FKBP10: variants seen among roughly 807,000 people sequenced by gnomAD.
FKBP10 encodes peptidyl-prolyl cis-trans isomerase FKBP10.
Under a neutral mutation model 53.7 loss-of-function variants are expected in FKBP10, and 34 were observed. The observed-to-expected ratio is 0.63, with a 90% CI of 0.48 to 0.84. The LOEUF (loss-of-function observed/expected upper bound fraction) is 0.84, where lower values mean the gene tolerates loss of function less well. Ranked by LOEUF, FKBP10 falls within the 40% of genes least tolerant of loss-of-function variation. FKBP10 has a pLI of 0.00. For synonymous variants in FKBP10, 324 were observed against 335.7 expected (o/e 0.97, Z 0.38); for missense variants, 748 against 797.8 (o/e 0.94, Z 0.75).
rs782067841 is a variant in FKBP10, at chr17:41,813,111, C to A, written c.77C>A (p.Ala26Asp). The A allele has an allele frequency of 1.9e-6, 3 of 1,611,268 alleles. No individual in the cohort carries two copies. The South Asian group carries it at 3.3e-5, about 18-fold the overall frequency. Residue 26 changes from alanine to aspartate, a missense_variant, in exon 1 of 10, where the codon GCC becomes GAC. Physicochemically the swap from Ala to Asp is moderately radical, Grantham distance 126. Transcript: ENST00000321562. ...LLQLLLLVVQ[A>D]VGRGLGRASP... ...CAGTTGCTGCTACTGGTGGTGCAGG[C>A]CGTGGGGAGGGGGCTGGGCCGCGCC... is the stretch of plus-strand genomic sequence containing the variant.
At position 41,822,642 on chromosome 17, in the gene FKBP10, T is replaced by C. The variant is rs1555617446; in HGVS notation, c.*234T>C. 2 of 591,548 alleles carry C rather than the reference T, an allele frequency of 3.4e-6. No individual in the cohort carries two copies. Among genetic ancestry groups the C allele is most frequent in the Non-Finnish European group, 6.0e-6 (2 of 335,552 alleles). 36.6% of individuals were successfully genotyped at this position (591,548 alleles called of 1,614,324 possible). On this transcript the variant is annotated 3_prime_UTR_variant, in exon 10 of 10. Coordinates refer to ENST00000321562, the MANE Select transcript of FKBP10 (RefSeq NM_021939.4). ...CCCTAAACCACTTCCTTAAAATGTT[T>C]GGATTTGCAAAGCCAATTTGGGGCC...
intron 6 of FKBP10, 46 bp downstream of exon 6, chr17:41,819,721 C>T (rs2047866218): frequency 2.5e-6 from 4 of 1,569,222 alleles, no homozygotes; most frequent in Non-Finnish European, 3.5e-6. Context: ...CTCCGAACTG[C>T]CCATTGTGTC....
rs1242462441 is a variant in FKBP10 at position 41,817,080 on chromosome 17, G to A, written c.268G>A (p.Ala90Thr). The change falls in exon 2 of 10, where the codon GCC becomes ACC. Residue 90 changes from alanine (A) to threonine (T), a missense_variant. Transcript: ENST00000321562. ...DSSYDRNTLVAIVVGVGRLIT... is the reference protein window; with the variant it reads ...DSSYDRNTLVTIVVGVGRLIT... ...CAGCTATGATCGCAACACCTTGGTG[G>A]CCATCGTGGTGGGTGTGGGGCGCCT... The A allele has an allele frequency of 8.1e-6, 13 of 1,613,944 alleles. No homozygotes were observed. In the Admixed American group the frequency reaches 2.0e-4, roughly 25 times the overall value.
chr17:41,821,657 G>A lies in FKBP10; in HGVS notation c.1403G>A (p.Arg468Gln), dbSNP rs1555617122. ...TTCTCTCCTGCCCTCCCTCCAGCCC[G>A]GGGAGTCCCAGGCAGTGCTGTGCTG... Reference protein sequence around the residue: ...PHLAHGESGARGVPGSAVLLF... With the variant: ...PHLAHGESGAQGVPGSAVLLF... Residue 468 changes from arginine to glutamine, a missense_variant, in exon 9 of 10, where the codon CGG (arginine) becomes CAG (glutamine). Physicochemically the swap from Arg to Gln is conservative, Grantham distance 43. Transcript: ENST00000321562. 3.7e-6 allele frequency: 6 copies of A among 1,613,712 alleles called. No individual in the cohort carries two copies. Among genetic ancestry groups the A allele is most frequent in the Non-Finnish European group, 5.1e-6 (6 of 1,179,912 alleles).
intron 1 of FKBP10, among the ~76,000 whole-genome samples, chr17:41,814,035 A>C (rs185593631): frequency 6.6e-6 from 1 of 152,220 alleles, no homozygotes; most frequent in Admixed American, 6.5e-5. Context: ...TCCTGGTCTG[A>C]CCCAGGCCTT....
chr17:41,822,443 G>C lies in FKBP10; in HGVS notation c.*35G>C. The C allele has an allele frequency of 1.3e-6, 2 of 1,571,046 alleles. No homozygotes were observed. Among genetic ancestry groups the C allele is most frequent in the Non-Finnish European group, 1.7e-6 (2 of 1,157,966 alleles). ...AGCCTGGCCAGGCCTGAGACACAGA[G>C]GCCCACTGCGAGGGGGACAGTGGCG... On this transcript the variant is annotated 3_prime_UTR_variant, in exon 10 of 10. Coordinates refer to ENST00000321562, the MANE Select transcript of FKBP10 (RefSeq NM_021939.4).
At chr17:41,822,022 T>TC (rs782708350) in intron 9 of FKBP10, among the ~76,000 whole-genome samples, 9 of 151,790 alleles carry the variant, frequency 5.9e-5, no homozygotes, top group Non-Finnish European at 1.0e-4. Context: ...TCACAGACTA[T>TC]CCCCATGCCA....
Position 41,813,019 on chromosome 17 carries a change from C to G in FKBP10, c.-16C>G, listed in dbSNP as rs781990543. On this transcript the variant is annotated 5_prime_UTR_variant, in exon 1 of 10. Coordinates refer to ENST00000321562, the MANE Select transcript of FKBP10 (RefSeq NM_021939.4). ...CTCGCTCGCCCTCACTGCCGGCGGT[C>G]CCAACTCCAGGCACCATGTTCCCCG... The G allele has an allele frequency of 2.0e-5, 32 of 1,609,306 alleles. No individual in the cohort carries two copies. The African/African-American group carries it at 2.7e-4, about 13-fold the overall frequency.
rs1555617353 is a variant in FKBP10, at chr17:41,822,324, C to T, written c.1665C>T (p.Asp555=). The change falls in exon 10 of 10, where the codon GAC becomes GAT. Residue 555 remains aspartate, a synonymous_variant. Coordinates refer to ENST00000321562, the MANE Select transcript of FKBP10 (RefSeq NM_021939.4). ...TAGGAGACATGTTCCAGAACCAGGACCGCAACCAGGACGGCAAGATCACAG... is the reference window on the plus strand; with the variant it reads ...TAGGAGACATGTTCCAGAACCAGGATCGCAACCAGGACGGCAAGATCACAG... ...KTIGDMFQNQ[D]RNQDGKITVD... is the part of the protein sequence containing the mutation. 3 of 1,613,792 alleles carry T rather than the reference C, an allele frequency of 1.9e-6. No individual in the cohort carries two copies. The highest frequency in any genetic ancestry group is 1.7e-4 in the Middle Eastern group (1 of 6,060).
At chr17:41,820,125 G>T in intron 6 of FKBP10, 144 bp from the exon 7 acceptor site, 2 of 1,229,378 alleles carry the variant, frequency 1.6e-6, no homozygotes, top group Non-Finnish European at 2.3e-6. Flanking sequence ...TGTTAGAATT[G>T]ACTCTGGACA....
At chr17:41,813,407 C>A in intron 1 of FKBP10, 128 bp downstream of exon 1, 1 of 1,216,786 alleles carries the variant, frequency 8.2e-7, no homozygotes, top group Non-Finnish European at 1.2e-6. Flanking sequence ...TGGGGCCTCC[C>A]AGACACCCAT....
Position 41,818,242 on chromosome 17 carries a change from A to G in FKBP10, c.545A>G (p.Asn182Ser), listed in dbSNP as rs782722256. 18 of 1,613,622 alleles carry G rather than the reference A, an allele frequency of 1.1e-5. No homozygotes were observed. Among genetic ancestry groups the G allele is most frequent in the Middle Eastern group, 1.6e-4 (1 of 6,062 alleles). The change falls in exon 3 of 10, where the codon AAT becomes AGT. Residue 182 changes from asparagine (N) to serine (S), a missense_variant. Asn to Ser is a conservative substitution (Grantham distance 46, BLOSUM62 1). Transcript: ENST00000321562. ...QDGDFVRYHY[N>S]GTLLDGTSFD... is the part of the protein sequence containing the mutation. ...GGCGACTTTGTCCGCTACCACTACAATGGCACCCTGCTGGACGGCACCTCC... is the reference window on the plus strand; with the variant it reads ...GGCGACTTTGTCCGCTACCACTACAGTGGCACCCTGCTGGACGGCACCTCC...
intron 6 of FKBP10, 63 bp downstream of exon 6, chr17:41,819,738 AC>A: frequency 2.6e-6 from 4 of 1,555,330 alleles, no homozygotes; most frequent in South Asian, 1.2e-5. Context: ...TGTCTAGGCC[AC>A]CCCCTCCCAC....
At position 41,821,423 on chromosome 17, in the gene FKBP10, C is replaced by T. The variant is rs570145097; in HGVS notation, c.1400-231C>T. 4.4e-4 allele frequency among the ~76,000 whole-genome samples: 67 copies of T among 152,224 alleles called. 1 individual carries two copies. The highest frequency in any genetic ancestry group is 1.5e-3 in the African/African-American group (62 of 41,546). The stretch of plus-strand genomic sequence containing the variant: ...TAATCATGAGCCACTGCGCTCGGCC[C>T]GAGACCGTAATCTGACTGGCATCTG... On this transcript the variant is annotated intron_variant, in intron 8 of 9. Coordinates refer to ENST00000321562, the MANE Select transcript of FKBP10 (RefSeq NM_021939.4).
chr17:41,818,212 A>C lies in FKBP10; in HGVS notation c.515A>C (p.Gln172Pro). The change falls in exon 3 of 10, where the codon CAG becomes CCG. Residue 172 changes from glutamine to proline, a missense_variant. Gln to Pro is a moderately conservative substitution (Grantham distance 76). Transcript: ENST00000321562. ...CCGCCCCACTGCCCCCGCATGGTCC[A>C]GGACGGCGACTTTGTCCGCTACCAC... ...LRPPHCPRMV[Q>P]DGDFVRYHYN... is the part of the protein sequence containing the mutation. The C allele has an allele frequency of 6.2e-7, 1 of 1,613,604 alleles. No homozygotes were observed. Among genetic ancestry groups the C allele is most frequent in the Non-Finnish European group, 8.5e-7 (1 of 1,180,020 alleles).
rs782073490 is a variant in FKBP10, at chr17:41,821,097, G to T, written c.1399+8G>T. 2.6e-6 allele frequency: 4 copies of T among 1,544,498 alleles called. No individual in the cohort carries two copies. The East Asian group carries it at 7.3e-5, about 28-fold the overall frequency. On this transcript the variant is annotated splice_region_variant and intron_variant, in intron 8 of 9. Coordinates refer to ENST00000321562, the MANE Select transcript of FKBP10 (RefSeq NM_021939.4). ...CCCACGGGGAGAGTGGAGGTGAGGG[G>T]CTGAGACCATAATCTTTTTTTTTTT...
rs558647809 is a variant in FKBP10, at chr17:41,822,574, A to C, written c.*166A>C. On this transcript the variant is annotated 3_prime_UTR_variant, in exon 10 of 10. Transcript: ENST00000321562. ...ATCTCTGGTGTTCCCACCACCCTAGATGAAAATCCACAGCACAGACCTCTA... is the reference window on the plus strand; with the variant it reads ...ATCTCTGGTGTTCCCACCACCCTAGCTGAAAATCCACAGCACAGACCTCTA... 1.3e-6 allele frequency: 1 copy of C among 743,494 alleles called. No homozygotes were observed. Among genetic ancestry groups the C allele is most frequent in the African/African-American group, 1.7e-5 (1 of 57,882 alleles). 46.1% of individuals were successfully genotyped at this position (743,494 alleles called of 1,614,324 possible).
chr17:41,818,424 T>A lies in FKBP10; in HGVS notation c.624T>A (p.Gly208=). Reference sequence around the variant, plus strand: ...CTTATGACACCTACGTCGGCTCTGGTTGGCTGATCAAGGGCATGGACCAGG... The same window carrying A: ...CTTATGACACCTACGTCGGCTCTGGATGGCTGATCAAGGGCATGGACCAGG... ...GGTYDTYVGS[G]WLIKGMDQGL... Residue 208 remains glycine, a synonymous_variant, in exon 4 of 10, where the codon GGT becomes GGA. Coordinates refer to ENST00000321562, the MANE Select transcript of FKBP10 (RefSeq NM_021939.4). The A allele has an allele frequency of 6.2e-7, 1 of 1,614,166 alleles. No homozygotes were observed. Among genetic ancestry groups the A allele is most frequent in the Non-Finnish European group, 8.5e-7 (1 of 1,180,022 alleles).
At chr17:41,813,722 A>T (rs893808761) in intron 1 of FKBP10, among the ~76,000 whole-genome samples, 3 of 152,096 alleles carry the variant, frequency 2.0e-5, no homozygotes, top group Non-Finnish European at 4.4e-5. Context: ...CTTTGTGGTC[A>T]GAGAAGAGGG....
Sources: allele counts gnomAD v4.1 joint callset (sites outside exome capture counted in the v4.1 genomes callset), GRCh38; gene constraint gnomAD v4.1.1; transcripts MANE v1.5; gene names NCBI Gene and HGNC (gene_info 2026-07-23, HGNC 2026-07-21).